ART1: variants seen among roughly 807,000 people sequenced by gnomAD.
ART1 encodes the protein GPI-linked NAD(P)(+)--arginine ADP-ribosyltransferase 1.
Under a neutral mutation model 27.0 loss-of-function variants are expected in ART1, and 29 were observed. The ratio of observed to expected loss-of-function variants is 1.08; its 90% CI spans 0.80 to 1.47. The LOEUF (loss-of-function observed/expected upper bound fraction) is 1.47. Among genes scored for constraint, ART1 ranks in the 40% most tolerant of loss-of-function variants. The probability of loss-of-function intolerance (pLI) is 0.00; values close to 1 mark genes in which losing one functional copy is unlikely to be tolerated. For missense variants in ART1, 480 were observed against 423.0 expected (o/e 1.13, Z -1.18); for synonymous variants, 201 against 172.2 (o/e 1.17, Z -1.31).
In ART1 at chr11:3,663,076, ATCATCTCATCTCATCATC is replaced by A. The variant is rs1362395138; in HGVS notation, c.887-1000_887-983del. ...ATCTCATCTCATCTCATCTCATCTC[ATCATCTCATCTCATCATC>A]TCATCTCATCTCATCTCATCTCATC... On this transcript the variant is annotated intron_variant, in intron 4 of 4. Coordinates refer to ENST00000250693, the MANE Select transcript of ART1 (RefSeq NM_004314.3). 6.6e-4 allele frequency among the ~76,000 whole-genome samples: 49 copies of A among 74,678 alleles called. 2 individuals are homozygous for A. Among genetic ancestry groups the A allele is most frequent in the African/African-American group, 3.0e-3 (45 of 15,144 alleles). 49.0% of individuals were successfully genotyped at this position (74,678 alleles called of 152,430 possible). A position where few individuals can be genotyped will look rare whatever the true frequency, so the allele number is the denominator to read the frequency against.
intron 4 of ART1, among the ~76,000 whole-genome samples, chr11:3,661,664 T>C (rs2077622166): frequency 6.6e-6 from 1 of 151,778 alleles, no homozygotes; most frequent in African/African-American, 2.4e-5. Flanking sequence ...GCCCGGCTAA[T>C]TTTTTGTATT....
intron 2 of ART1, 22 bp from the exon 3 acceptor site, chr11:3,659,561 C>A: frequency 6.4e-7 from 1 of 1,566,926 alleles, no homozygotes; most frequent in Non-Finnish European, 8.6e-7. Flanking sequence ...CCTCTCAGTC[C>A]CTGCTACTCC....
intron 4 of ART1, 164 bp from the exon 5 acceptor site, chr11:3,663,928 C>T (rs1385388060): frequency 1.6e-6 from 1 of 612,948 alleles, no homozygotes; most frequent in African/African-American, 1.9e-5. Flanking sequence ...TAAACTTGAT[C>T]TTCATCTCTG....
chr11:3,651,951 C>G (rs1325033684), intron 1 of ART1, among the ~76,000 whole-genome samples: 1 of 150,802 alleles, frequency 6.6e-6, no homozygotes, highest in Non-Finnish European at 1.5e-5. Flanking sequence ...TCGCCACACA[C>G]CAGCAAAGGC....
At chr11:3,656,462 A>C (rs938918576) in intron 1 of ART1, among the ~76,000 whole-genome samples, 4 of 151,972 alleles carry the variant, frequency 2.6e-5, no homozygotes, top group Non-Finnish European at 4.4e-5. Context: ...GGCTCACTGC[A>C]ACCTCCGCTT....
intron 1 of ART1, among the ~76,000 whole-genome samples, chr11:3,652,008 C>T (rs1444029666): frequency 6.6e-6 from 1 of 151,704 alleles, no homozygotes; most frequent in Non-Finnish European, 1.5e-5. Context: ...TAGAACCTCT[C>T]ATTTCCTTTC....
At chr11:3,646,123 A>C (rs2077468176) in intron 1 of ART1, among the ~76,000 whole-genome samples, 1 of 149,420 alleles carries the variant, frequency 6.7e-6, no homozygotes, top group African/African-American at 2.5e-5. Context: ...CTGCATTTTT[A>C]CTCTATATTT....
chr11:3,659,403 A>G (rs2077599403), intron 2 of ART1, 127 bp downstream of exon 2: 1 of 1,435,092 alleles, frequency 7.0e-7, no homozygotes, highest in East Asian at 2.3e-5. Context: ...ACTCAGCCCA[A>G]GGGGACAGCT....
intron 1 of ART1, among the ~76,000 whole-genome samples, chr11:3,651,863 A>C (rs2077524709): frequency 6.7e-6 from 1 of 149,468 alleles, no homozygotes; most frequent in Non-Finnish European, 1.5e-5. Flanking sequence ...CATTCACCCC[A>C]TTTCCCCATA....
At chr11:3,655,026 A>G (rs2077559424) in intron 1 of ART1, among the ~76,000 whole-genome samples, 1 of 152,218 alleles carries the variant, frequency 6.6e-6, no homozygotes, top group Non-Finnish European at 1.5e-5. Flanking sequence ...TGGCAAACAA[A>G]CATTTACTCC....
intron 1 of ART1, among the ~76,000 whole-genome samples, chr11:3,655,928 CTT>C (rs761533207): frequency 8.3e-5 from 9 of 109,004 alleles, no homozygotes; most frequent in African/African-American, 1.4e-4. Context: ...GAGCTCAAGT[CTT>C]TTTTTTTTTT....
At chr11:3,653,768 G>A (rs967545206) in intron 1 of ART1, among the ~76,000 whole-genome samples, 1 of 151,736 alleles carries the variant, frequency 6.6e-6, no homozygotes. Flanking sequence ...CAGACATCAA[G>A]TCTTGTAAAT....
At chr11:3,646,124 C>T (rs1285942829) in intron 1 of ART1, among the ~76,000 whole-genome samples, 1 of 151,692 alleles carries the variant, frequency 6.6e-6, no homozygotes, top group Non-Finnish European at 1.5e-5. Context: ...TGCATTTTTA[C>T]TCTATATTTT....
chr11:3,663,018 A>G (rs1177784526), intron 4 of ART1, among the ~76,000 whole-genome samples: 1 of 133,704 alleles, frequency 7.5e-6, no homozygotes, highest in Non-Finnish European at 1.6e-5. Flanking sequence ...TCATCTCATC[A>G]TCTCATCTCA....
rs2077605761 is a variant in ART1, at chr11:3,659,965, TCTC to T, written c.449_451del (p.Ser150del). On this transcript the variant is annotated inframe_deletion, in exon 3 of 5. Coordinates refer to ENST00000250693, the MANE Select transcript of ART1 (RefSeq NM_004314.3). ...TCCCGGGCCCACTACCTCCACCACT[TCTC>T]CTTCAAGACACTCCATTTCCTGCTG... 4.3e-6 allele frequency: 7 copies of T among 1,613,964 alleles called. No homozygotes were observed. The highest frequency in any genetic ancestry group is 5.9e-6 in the Non-Finnish European group (7 of 1,179,946).
At chr11:3,662,643 G>C (rs889212264) in intron 4 of ART1, among the ~76,000 whole-genome samples, 1 of 152,150 alleles carries the variant, frequency 6.6e-6, no homozygotes, top group African/African-American at 2.4e-5. Flanking sequence ...TCAGGAGTTC[G>C]AGACCAGCCT....
At chr11:3,653,209 T>A (rs2077540308) in intron 1 of ART1, among the ~76,000 whole-genome samples, 1 of 148,678 alleles carries the variant, frequency 6.7e-6, no homozygotes, top group Non-Finnish European at 1.5e-5. Context: ...TTTTTCTTAT[T>A]AATATAAGAA....
chr11:3,645,414 C>T (rs1443727210), intron 1 of ART1, among the ~76,000 whole-genome samples: 1 of 152,142 alleles, frequency 6.6e-6, no homozygotes, highest in East Asian at 1.9e-4. Context: ...GGATGAGAAA[C>T]TGATGACAGA....
chr11:3,647,783 T>C (rs942548484), intron 1 of ART1, among the ~76,000 whole-genome samples: 3 of 151,858 alleles, frequency 2.0e-5, no homozygotes, highest in Non-Finnish European at 2.9e-5. Context: ...CCAAATTGTA[T>C]ATATTAATTA....
Sources: gnomAD v4.1 joint callset for allele counts (sites outside exome capture counted in the v4.1 genomes callset) on GRCh38, gnomAD v4.1.1 for gene constraint, MANE v1.5 for transcripts, NCBI Gene and HGNC (gene_info 2026-07-23, HGNC 2026-07-21) for gene names.